The following ANO2 variants were observed in gnomAD, a reference collection of about 807,000 sequenced individuals.
The protein encoded by ANO2 is anoctamin 2, also known as anoctamin-2.
In ANO2, 101 loss-of-function variants were observed where a neutral mutation model predicts 124.2. The observed-to-expected ratio is 0.81, with a 90% CI of 0.69 to 0.96. The LOEUF (loss-of-function observed/expected upper bound fraction) is 0.96. ANO2 is among the 40% of genes least tolerant of loss of function. The pLI is 0.00. For synonymous variants in ANO2, 486 were observed against 482.5 expected (o/e 1.01, Z -0.09); for missense variants, 1,293 against 1,274.5 (o/e 1.01, Z -0.22).
At chr12:5,887,731 C>T (rs964983405) in intron 3 of ANO2, among the ~76,000 whole-genome samples, 1 of 152,158 alleles carries the variant, frequency 6.6e-6, no homozygotes, top group African/African-American at 2.4e-5. Context: ...TTTTTGAGCA[C>T]TTGCAATGCG....
chr12:5,589,000 A>G (rs1943259939), intron 20 of ANO2, among the ~76,000 whole-genome samples: 1 of 152,218 alleles, frequency 6.6e-6, no homozygotes, highest in African/African-American at 2.4e-5. Context: ...CTCTGCCTAC[A>G]ATGGTCATCT....
At chr12:5,652,636 G>C (rs1383574562) in intron 14 of ANO2, among the ~76,000 whole-genome samples, 1 of 151,892 alleles carries the variant, frequency 6.6e-6, no homozygotes, top group Non-Finnish European at 1.5e-5. Context: ...GAGGTGTACT[G>C]GTCAAGTATT....
intron 23 of ANO2, among the ~76,000 whole-genome samples, chr12:5,573,836 T>C (rs1369986024): frequency 1.3e-5 from 2 of 152,268 alleles, no homozygotes; most frequent in Non-Finnish European, 2.9e-5. Flanking sequence ...GAAGTTGTTG[T>C]TCCTGGAACT....
intron 7 of ANO2, among the ~76,000 whole-genome samples, chr12:5,815,338 C>T (rs1253846571): frequency 6.6e-6 from 1 of 152,132 alleles, no homozygotes; most frequent in Admixed American, 6.5e-5. Flanking sequence ...TTCAAGAAAT[C>T]AGAGCAGTGT....
chr12:5,803,037 C>T (rs965758632), intron 9 of ANO2, among the ~76,000 whole-genome samples: 5 of 152,224 alleles, frequency 3.3e-5, no homozygotes, highest in African/African-American at 9.6e-5. Context: ...CAACCCTTTG[C>T]AATGCCAGAT....
At chr12:5,868,248 T>G (rs553409401) in intron 3 of ANO2, among the ~76,000 whole-genome samples, 12 of 152,190 alleles carry the variant, frequency 7.9e-5, no homozygotes, top group African/African-American at 2.9e-4. Flanking sequence ...AATAATCCAT[T>G]AGCTTAGAGT....
chr12:5,759,902 T>A (rs1951690710), intron 10 of ANO2, among the ~76,000 whole-genome samples: 1 of 152,072 alleles, frequency 6.6e-6, no homozygotes, highest in African/African-American at 2.4e-5. Flanking sequence ...ATGTGAACTG[T>A]AAGAAATGTT....
At chr12:5,606,137 C>T (rs773255224) in intron 19 of ANO2, among the ~76,000 whole-genome samples, 9 of 152,178 alleles carry the variant, frequency 5.9e-5, no homozygotes, top group Admixed American at 4.6e-4. Context: ...ATGATGGGGG[C>T]GGCTGCTGCC....
chr12:5,805,981 T>A, intron 9 of ANO2, 71 bp downstream of exon 9: 1 of 1,490,010 alleles, frequency 6.7e-7, no homozygotes, highest in Non-Finnish European at 9.3e-7. Flanking sequence ...CTAAGACACT[T>A]CTAGCCACTT....
At chr12:5,706,130 A>T (rs1245509563) in intron 14 of ANO2, among the ~76,000 whole-genome samples, 1 of 152,152 alleles carries the variant, frequency 6.6e-6, no homozygotes, top group Non-Finnish European at 1.5e-5. Context: ...AATATTCTTT[A>T]ACCTAACTTC....
At chr12:5,786,184 G>A (rs1161419727) in intron 10 of ANO2, among the ~76,000 whole-genome samples, 1 of 152,094 alleles carries the variant, frequency 6.6e-6, no homozygotes, top group Non-Finnish European at 1.5e-5. Flanking sequence ...TGAGATCCTA[G>A]GCCCTGCCCC....
intron 3 of ANO2, among the ~76,000 whole-genome samples, chr12:5,866,038 G>A (rs1468633832): frequency 1.3e-5 from 2 of 152,232 alleles, no homozygotes; most frequent in African/African-American, 4.8e-5. Context: ...GTTTTTAGCA[G>A]AATTGATCCC....
intron 1 of ANO2, among the ~76,000 whole-genome samples, chr12:5,930,068 C>T (rs28380287): frequency 3.7e-4 from 38 of 103,492 alleles, no homozygotes; most frequent in African/African-American, 4.1e-4. Context: ...TACTAGTCTA[C>T]CTTCTTTCCT....
intron 10 of ANO2, among the ~76,000 whole-genome samples, chr12:5,760,630 T>C (rs1050239792): frequency 6.6e-6 from 1 of 152,142 alleles, no homozygotes; most frequent in Non-Finnish European, 1.5e-5. Context: ...ACATCCACTA[T>C]AATTCCTCCT....
At chr12:5,674,111 C>A (rs1782031470) in intron 14 of ANO2, among the ~76,000 whole-genome samples, 1 of 152,058 alleles carries the variant, frequency 6.6e-6, no homozygotes, top group Admixed American at 6.6e-5. Flanking sequence ...AGAGGGTGAT[C>A]CCATAGAGAA....
chr12:5,909,099 G>A (rs1014438938), intron 3 of ANO2, among the ~76,000 whole-genome samples: 23 of 152,288 alleles, frequency 1.5e-4, no homozygotes, highest in African/African-American at 5.3e-4. Flanking sequence ...CTTTACAAAG[G>A]TTCTTAACGT....
intron 3 of ANO2, among the ~76,000 whole-genome samples, chr12:5,854,439 G>A (rs1323704159): frequency 6.8e-6 from 1 of 146,748 alleles, no homozygotes; most frequent in African/African-American, 2.5e-5. Flanking sequence ...AACAATTTTG[G>A]TCACAGATTT....
intron 24 of ANO2, 119 bp from the exon 25 acceptor site, chr12:5,563,687 C>T (rs1478306570): frequency 3.1e-6 from 4 of 1,304,268 alleles, no homozygotes; most frequent in East Asian, 2.3e-5. Context: ...GCCCAGTGAT[C>T]GCAACCAGTG....
In ANO2 at chr12:5,636,056, C is replaced by G. The variant is rs1945997365; in HGVS notation, c.1621-709G>C. On this transcript the variant is annotated intron_variant, in intron 15 of 24. Transcript: ENST00000682330. The surrounding 1 kb of genome is among the most constrained non-coding windows in gnomAD (Gnocchi z 4.6). ...AACAAAATATCACTGTAAGATTTCTCTACTAGGTGACTTGAAATGGAGGAC... is the reference window on the plus strand; with the variant it reads ...AACAAAATATCACTGTAAGATTTCTGTACTAGGTGACTTGAAATGGAGGAC... Among the ~76,000 whole-genome samples the G allele has an allele frequency of 6.6e-6, 1 of 152,164 alleles. No individual in the cohort carries two copies. Among genetic ancestry groups the G allele is most frequent in the South Asian group, 2.1e-4 (1 of 4,836 alleles).
Sources: gnomAD v4.1 joint callset for allele counts (sites outside exome capture counted in the v4.1 genomes callset) on GRCh38, gnomAD v4.1.1 for gene constraint, Gnocchi (gnomAD v3.1) non-coding constraint, MANE v1.5 for transcripts, NCBI Gene and HGNC (gene_info 2026-07-23, HGNC 2026-07-21) for gene names.